The following HS2ST1 variants were observed in gnomAD, a reference collection of about 807,000 sequenced individuals.
The protein encoded by HS2ST1 is 2-O-sulfotransferase.
A neutral mutation model predicts 42.9 loss-of-function variants in HS2ST1; 18 were observed. The ratio of observed to expected loss-of-function variants is 0.42; its 90% CI spans 0.29 to 0.62. The LOEUF (loss-of-function observed/expected upper bound fraction) is 0.62. HS2ST1 is among the 20% of genes least tolerant of loss of function. The probability of loss-of-function intolerance (pLI) is 0.21; values close to 1 mark genes in which losing one functional copy is unlikely to be tolerated. For missense variants in HS2ST1, 334 were observed against 433.8 expected, an observed-to-expected ratio of 0.77 and a Z score of 2.04; for synonymous variants, 146 against 152.9, an observed-to-expected ratio of 0.95 and a Z score of 0.33.
chr1:86,942,364 CA>C (rs912147230), intron 1 of HS2ST1, among the ~76,000 whole-genome samples: 1 of 152,100 alleles, frequency 6.6e-6, no homozygotes, highest in Non-Finnish European at 1.5e-5. Flanking sequence ...GAATAGAATT[CA>C]TTTAGATGTT....
chr1:86,940,986 C>T (rs541705029), intron 1 of HS2ST1, among the ~76,000 whole-genome samples: 2 of 151,532 alleles, frequency 1.3e-5, no homozygotes, highest in South Asian at 4.2e-4. Flanking sequence ...GACCCTGTCT[C>T]AAAAAAAGAA....
intron 1 of HS2ST1, chr1:86,934,458 T>TG (rs1214424007): frequency 6.6e-6 from 1 of 152,258 alleles, no homozygotes; most frequent in Non-Finnish European, 1.5e-5. Context: ...TAGTCCACGT[T>TG]GAACCTCCAG....
chr1:86,991,242 A>T (rs749915077), intron 1 of HS2ST1, among the ~76,000 whole-genome samples: 2 of 152,108 alleles, frequency 1.3e-5, no homozygotes, highest in Non-Finnish European at 2.9e-5. Flanking sequence ...CTTTAGACGA[A>T]TTTAACAGAG....
intron 3 of HS2ST1, 106 bp downstream of exon 3, chr1:87,084,385 G>A (rs1396406567): frequency 1.3e-5 from 9 of 668,302 alleles, no homozygotes; most frequent in Non-Finnish European, 2.2e-5. Context: ...AGAATGTACT[G>A]TCTTGCCTTT....
At chr1:87,057,972 T>G (rs1239026471) in intron 1 of HS2ST1, among the ~76,000 whole-genome samples, 1 of 151,744 alleles carries the variant, frequency 6.6e-6, no homozygotes, top group Non-Finnish European at 1.5e-5. Flanking sequence ...ACTCCCTTCC[T>G]CCCACCCAGT....
At chr1:86,930,418 C>T (rs1389197865) in intron 1 of HS2ST1, among the ~76,000 whole-genome samples, 2 of 151,850 alleles carry the variant, frequency 1.3e-5, no homozygotes, top group Admixed American at 6.6e-5. Flanking sequence ...GGAGAAACAA[C>T]ATGAACCTTT....
At chr1:86,936,240 C>A (rs1660650890) in intron 1 of HS2ST1, among the ~76,000 whole-genome samples, 1 of 151,556 alleles carries the variant, frequency 6.6e-6, no homozygotes, top group Admixed American at 6.6e-5. Context: ...TAAATTTTTT[C>A]TCTTCTTTTC....
chr1:86,936,433 A>G (rs1317476832), intron 1 of HS2ST1, among the ~76,000 whole-genome samples: 1 of 152,178 alleles, frequency 6.6e-6, no homozygotes, highest in African/African-American at 2.4e-5. Flanking sequence ...TACTGTGTAC[A>G]TTATTAGTTG....
Position 87,104,541 on chromosome 1 carries a change from C to T in HS2ST1, c.916C>T (p.Gln306Ter), listed in dbSNP as rs143332886. 6.2e-7 allele frequency: 1 copy of T among 1,613,266 alleles called. No individual in the cohort carries two copies. The highest frequency in any genetic ancestry group is 8.5e-7 in the Non-Finnish European group (1 of 1,179,378). ...TAAACAAACCATTGCAAAACTACAG[C>T]AATCTGATATTTGGAAAATGGAGAA... Reference protein sequence around the residue: ...PTKQTIAKLQQSDIWKMENEF... With the variant: ...PTKQTIAKLQ The change falls in exon 7 of 7, where the codon CAA becomes TAA. Residue 306 changes from glutamine (Q) to a stop codon, truncating the protein, a stop_gained. Coordinates refer to ENST00000370550, the MANE Select transcript of HS2ST1 (RefSeq NM_012262.4). LOFTEE classifies it high-confidence loss of function.
rs546827070 is a variant in HS2ST1 at position 87,015,409 on chromosome 1, G to A, written c.125-57525G>A. 8.2e-5 allele frequency among the ~76,000 whole-genome samples: 12 copies of A among 147,162 alleles called. No individual in the cohort carries two copies. The South Asian group carries it at 1.3e-3, about 16-fold the overall frequency. On this transcript the variant is annotated intron_variant, in intron 1 of 6. Coordinates refer to ENST00000370550, the MANE Select transcript of HS2ST1 (RefSeq NM_012262.4). The stretch of plus-strand genomic sequence containing the variant: ...GTGGCCCAGGCTGGAATGCGGTGGC[G>A]CAATCTCGGCTCACTGCAAGCTCTG...
intron 1 of HS2ST1, among the ~76,000 whole-genome samples, chr1:87,002,258 A>G (rs141383532): frequency 6.8e-4 from 104 of 152,238 alleles, no homozygotes; most frequent in Non-Finnish European, 1.3e-3. Flanking sequence ...ATTTTTTGGT[A>G]GGTGAGATAA....
chr1:87,036,095 G>A (rs1164783507), intron 1 of HS2ST1, among the ~76,000 whole-genome samples: 1 of 152,086 alleles, frequency 6.6e-6, no homozygotes, highest in African/African-American at 2.4e-5. Flanking sequence ...AGTTTGCTGA[G>A]AATGGTTTCC....
chr1:87,057,025 T>C (rs952375278), intron 1 of HS2ST1, among the ~76,000 whole-genome samples: 5 of 152,180 alleles, frequency 3.3e-5, no homozygotes, highest in African/African-American at 1.2e-4. Flanking sequence ...CCAAATAATA[T>C]ATGGTAATAT....
chr1:86,943,158 A>G (rs1647215310), intron 1 of HS2ST1, among the ~76,000 whole-genome samples: 1 of 152,200 alleles, frequency 6.6e-6, no homozygotes, highest in Admixed American at 6.5e-5. Flanking sequence ...CTCCTAACTA[A>G]AAGGATCCTA....
chr1:87,028,527 C>T (rs954520651), intron 1 of HS2ST1, among the ~76,000 whole-genome samples: 3 of 152,164 alleles, frequency 2.0e-5, no homozygotes, highest in East Asian at 3.9e-4. Flanking sequence ...AAGAGCGTTT[C>T]TCACTGTTTT....
intron 5 of HS2ST1, chr1:87,098,208 G>A (rs1490362218): frequency 2.6e-6 from 2 of 776,756 alleles, no homozygotes; most frequent in Non-Finnish European, 3.1e-6. Context: ...TATTCCAGCA[G>A]AGCTCTTAGA....
At position 87,037,997 on chromosome 1, in the gene HS2ST1, A is replaced by G. The variant is rs550597373; in HGVS notation, c.125-34937A>G. Among the ~76,000 whole-genome samples, 4 of 152,164 alleles carry G rather than the reference A, an allele frequency of 2.6e-5. No individual in the cohort carries two copies. The South Asian group carries it at 8.3e-4, about 31-fold the overall frequency. ...AGTAGGTGCCTAGAAATAAAATTGCATGGCATATGACAGTGAAAATCTTTA... is the reference window on the plus strand; with the variant it reads ...AGTAGGTGCCTAGAAATAAAATTGCGTGGCATATGACAGTGAAAATCTTTA... On this transcript the variant is annotated intron_variant, in intron 1 of 6. Transcript: ENST00000370550.
At chr1:86,967,757 C>T (rs944677322) in intron 1 of HS2ST1, among the ~76,000 whole-genome samples, 1 of 152,226 alleles carries the variant, frequency 6.6e-6, no homozygotes, top group African/African-American at 2.4e-5. Context: ...CTGCAACAAA[C>T]ATTTATGTGC....
At chr1:87,032,591 C>G (rs1346315145) in intron 1 of HS2ST1, among the ~76,000 whole-genome samples, 1 of 152,078 alleles carries the variant, frequency 6.6e-6, no homozygotes, top group Non-Finnish European at 1.5e-5. Context: ...TACCTCAGGA[C>G]AAGTATTCAC....
Sources: allele counts gnomAD v4.1 joint callset (sites outside exome capture counted in the v4.1 genomes callset), GRCh38; gene constraint gnomAD v4.1.1; transcripts MANE v1.5; gene names NCBI Gene and HGNC (gene_info 2026-07-23, HGNC 2026-07-21).